CFAP61: variants seen among roughly 807,000 people sequenced by gnomAD.
CFAP61 encodes the protein cilia and flagella associated protein 61.
In CFAP61, 107 loss-of-function variants were observed where a neutral mutation model predicts 135.6. That is an observed-to-expected ratio of 0.79 (90% CI 0.67 to 0.93). CFAP61 has a LOEUF of 0.93. Ranked by LOEUF, CFAP61 falls within the 40% of genes least tolerant of loss-of-function variation. The probability of loss-of-function intolerance (pLI) is 0.00; values close to 1 mark genes in which losing one functional copy is unlikely to be tolerated. For missense variants in CFAP61, 1,507 were observed against 1,556.2 expected (o/e 0.97, Z 0.53); for synonymous variants, 575 against 578.5 (o/e 0.99, Z 0.09).
chr20:20,115,768 G>A (rs1268320254), intron 8 of CFAP61, among the ~76,000 whole-genome samples: 1 of 152,106 alleles, frequency 6.6e-6, no homozygotes, highest in Non-Finnish European at 1.5e-5. Flanking sequence ...CAAATGACAG[G>A]ATTTTACTTT....
At chr20:20,191,502 T>C (rs2055917303) in intron 15 of CFAP61, 83 bp downstream of exon 15, 5 of 910,886 alleles carry the variant, frequency 5.5e-6, no homozygotes, top group Non-Finnish European at 6.9e-6. Context: ...TTTGGAGTTG[T>C]ACTTTTACTT....
intron 13 of CFAP61, among the ~76,000 whole-genome samples, chr20:20,177,336 G>T (rs112712208): frequency 6.6e-6 from 1 of 151,930 alleles, no homozygotes; most frequent in South Asian, 2.1e-4. Flanking sequence ...AACTCAGAAT[G>T]GCTTCCACTG....
At chr20:20,247,818 CT>C (rs1268067641) in intron 19 of CFAP61, among the ~76,000 whole-genome samples, 4 of 152,186 alleles carry the variant, frequency 2.6e-5, no homozygotes, top group Admixed American at 2.0e-4. Context: ...GAGGTCTCTG[CT>C]TTTTGCTCTT....
At chr20:20,350,534 C>G (rs2058797793) in intron 26 of CFAP61, among the ~76,000 whole-genome samples, 1 of 152,180 alleles carries the variant, frequency 6.6e-6, no homozygotes, top group Non-Finnish European at 1.5e-5. Flanking sequence ...GAGGCTGAGG[C>G]AGGAGAATCG....
chr20:20,104,854 C>G (rs2048263849), intron 8 of CFAP61, among the ~76,000 whole-genome samples: 1 of 152,290 alleles, frequency 6.6e-6, no homozygotes, highest in African/African-American at 2.4e-5. Context: ...CAGGGTCTTC[C>G]CTCTGTGCCC....
intron 15 of CFAP61, 130 bp downstream of exon 15, chr20:20,191,549 A>C: frequency 1.7e-6 from 1 of 599,664 alleles, no homozygotes; most frequent in Admixed American, 2.5e-5. Flanking sequence ...GATGGATATC[A>C]TCATCATCTG....
intron 13 of CFAP61, among the ~76,000 whole-genome samples, chr20:20,179,454 G>T (rs1446736304): frequency 6.6e-6 from 1 of 152,118 alleles, no homozygotes; most frequent in East Asian, 1.9e-4. Context: ...TGACCATACT[G>T]CCCAAAGCAA....
intron 21 of CFAP61, among the ~76,000 whole-genome samples, chr20:20,275,129 C>T (rs186480137): frequency 2.0e-5 from 3 of 152,310 alleles, no homozygotes; most frequent in Non-Finnish European, 4.4e-5. Flanking sequence ...CCTTTCTGTG[C>T]ACCTGCATTT....
intron 25 of CFAP61, among the ~76,000 whole-genome samples, chr20:20,325,099 T>G (rs372651327): frequency 1.3e-5 from 2 of 152,084 alleles, no homozygotes; most frequent in East Asian, 3.9e-4. Flanking sequence ...AAGCAAGACC[T>G]CCTCTCTGTA....
chr20:20,060,985 G>A (rs143315997), intron 2 of CFAP61, among the ~76,000 whole-genome samples: 56 of 152,284 alleles, frequency 3.7e-4, no homozygotes, highest in African/African-American at 1.3e-3. Context: ...CTGAGATACC[G>A]TGCAAAAACT....
intron 17 of CFAP61, among the ~76,000 whole-genome samples, chr20:20,212,698 G>GT (rs2047741648): frequency 6.6e-6 from 1 of 152,178 alleles, no homozygotes; most frequent in Non-Finnish European, 1.5e-5. Context: ...AAGTCCCCTT[G>GT]TTGGTCACTC....
chr20:20,354,502 CAAA>C (rs112245982), intron 26 of CFAP61, among the ~76,000 whole-genome samples: 31 of 133,890 alleles, frequency 2.3e-4, no homozygotes, highest in African/African-American at 4.8e-4. Flanking sequence ...GACCTTGTCT[CAAA>C]AAAAAAAAAA....
At chr20:20,204,360 G>T (rs73127429) in intron 17 of CFAP61, among the ~76,000 whole-genome samples, 15,207 of 151,836 alleles carry the variant, frequency 0.1, 818 homozygotes, top group Middle Eastern at 0.16. Flanking sequence ...GAAAAATGAC[G>T]GCTTATGGAG....
intron 21 of CFAP61, chr20:20,265,350 A>C: frequency 1.3e-6 from 1 of 778,834 alleles, no homozygotes; most frequent in South Asian, 1.3e-5. Flanking sequence ...AGAATTTAGA[A>C]ACCCCAAAGC....
chr20:20,187,235 T>G (rs540735267), intron 13 of CFAP61, among the ~76,000 whole-genome samples: 2 of 152,280 alleles, frequency 1.3e-5, no homozygotes, highest in South Asian at 4.2e-4. Flanking sequence ...GAACACGGGC[T>G]TCCCCCAACC....
chr20:20,079,610 C>T (rs977338982), intron 6 of CFAP61, among the ~76,000 whole-genome samples: 5 of 151,998 alleles, frequency 3.3e-5, no homozygotes, highest in East Asian at 3.9e-4. Context: ...ATTCTGAGAG[C>T]GGGGCAGCAT....
chr20:20,087,773 G>T (rs922316695), intron 6 of CFAP61, among the ~76,000 whole-genome samples: 1 of 152,082 alleles, frequency 6.6e-6, no homozygotes, highest in Non-Finnish European at 1.5e-5. Context: ...AACATAGAGA[G>T]GTAAAGTACC....
intron 9 of CFAP61, among the ~76,000 whole-genome samples, chr20:20,155,965 C>G (rs1412630895): frequency 1.3e-5 from 2 of 152,152 alleles, no homozygotes; most frequent in African/African-American, 4.8e-5. Flanking sequence ...AATACACTTG[C>G]ACAAGCATGT....
At chr20:20,096,208 A>G (rs549347847) in intron 7 of CFAP61, among the ~76,000 whole-genome samples, 1 of 152,300 alleles carries the variant, frequency 6.6e-6, no homozygotes, top group Admixed American at 6.5e-5. Flanking sequence ...CTGCAAATTC[A>G]TATTTAAGAA....
Sources: allele counts gnomAD v4.1 joint callset (sites outside exome capture counted in the v4.1 genomes callset), GRCh38; gene constraint gnomAD v4.1.1; transcripts MANE v1.5; gene names NCBI Gene and HGNC (gene_info 2026-07-23, HGNC 2026-07-21).